RAB2A: variants seen among roughly 807,000 people sequenced by gnomAD.
RAB2A encodes ras-related protein Rab-2A.
A neutral mutation model predicts 32.5 loss-of-function variants in RAB2A; 7 were observed. The observed-to-expected ratio is 0.22, with a 90% CI of 0.12 to 0.40. RAB2A has a LOEUF of 0.40. RAB2A is among the 10% of genes least tolerant of loss of function. The pLI is 1.00. For synonymous variants in RAB2A, 79 were observed against 85.2 expected, an observed-to-expected ratio of 0.93 and a Z score of 0.40; for missense variants, 108 against 260.7, an observed-to-expected ratio of 0.41 and a Z score of 4.03.
chr8:60,606,840 C>A (rs1238359060), intron 6 of RAB2A, among the ~76,000 whole-genome samples: 1 of 152,224 alleles, frequency 6.6e-6, no homozygotes, highest in Non-Finnish European at 1.5e-5. Flanking sequence ...GTGGTGGGGC[C>A]GTGGCCTGAC....
intron 5 of RAB2A, among the ~76,000 whole-genome samples, chr8:60,591,117 TAATA>T (rs67028614): frequency 0.25 from 37,064 of 151,114 alleles, 5,646 homozygotes; most frequent in African/African-American, 0.44. Flanking sequence ...ATATAAAAAG[TAATA>T]AATATAATAA....
intron 3 of RAB2A, among the ~76,000 whole-genome samples, chr8:60,575,721 A>C (rs1250024632): frequency 7.1e-6 from 1 of 141,172 alleles, no homozygotes; most frequent in East Asian, 2.1e-4. Flanking sequence ...GCAATGGTGC[A>C]ATCTCAGCTC....
rs940286348 is a variant in RAB2A, at chr8:60,622,931, C to G, written c.*2162C>G. The stretch of plus-strand genomic sequence containing the variant: ...TATTGTCTGTGATTTCCAGTCTTTG[C>G]TCATTTTATTATCCCTGTCAAATAA... On this transcript the variant is annotated 3_prime_UTR_variant, in exon 8 of 8. Transcript: ENST00000262646. 5.9e-5 allele frequency: 9 copies of G among 152,164 alleles called. No individual in the cohort carries two copies. The highest frequency in any genetic ancestry group is 1.9e-4 in the African/African-American group (8 of 41,448). 9.4% of individuals were successfully genotyped at this position (152,164 alleles called of 1,614,324 possible).
chr8:60,586,355 T>A (rs1586098683), intron 5 of RAB2A, among the ~76,000 whole-genome samples: 2 of 144,296 alleles, frequency 1.4e-5, no homozygotes, highest in Non-Finnish European at 1.5e-5. Flanking sequence ...TAAGAGCAAA[T>A]CAAAGTTAAG....
At chr8:60,579,128 C>T (rs147085342) in intron 3 of RAB2A, among the ~76,000 whole-genome samples, 5,743 of 152,202 alleles carry the variant, frequency 0.038, 146 homozygotes, top group Middle Eastern at 0.065. Flanking sequence ...CTGCAGCCTC[C>T]GCCTCCTGGG....
chr8:60,591,384 G>T (rs1409446483), intron 5 of RAB2A, among the ~76,000 whole-genome samples: 2 of 151,916 alleles, frequency 1.3e-5, no homozygotes, highest in African/African-American at 4.8e-5. Flanking sequence ...AACAAACTGG[G>T]ATCAATGATG....
At chr8:60,559,043 C>A in intron 2 of RAB2A, 120 bp downstream of exon 2, 1 of 704,356 alleles carries the variant, frequency 1.4e-6, no homozygotes. Flanking sequence ...TTTGTTGTTA[C>A]GCTGTTTAAT....
At chr8:60,519,565 C>A (rs1038023199) in intron 1 of RAB2A, among the ~76,000 whole-genome samples, 1 of 152,130 alleles carries the variant, frequency 6.6e-6, no homozygotes, top group African/African-American at 2.4e-5. Flanking sequence ...GTGACTACTC[C>A]GTTTCTGAAT....
chr8:60,530,022 G>T (rs1450688303), intron 1 of RAB2A, among the ~76,000 whole-genome samples: 1 of 152,068 alleles, frequency 6.6e-6, no homozygotes, highest in Non-Finnish European at 1.5e-5. Flanking sequence ...CCAGGCTGGA[G>T]TGCAATAGCA....
chr8:60,588,916 T>C (rs567233868), intron 5 of RAB2A, among the ~76,000 whole-genome samples: 1 of 152,352 alleles, frequency 6.6e-6, no homozygotes, highest in East Asian at 1.9e-4. Flanking sequence ...ATATTTACAT[T>C]ATAAAAAGCT....
intron 3 of RAB2A, among the ~76,000 whole-genome samples, chr8:60,578,522 G>A (rs1174814198): frequency 6.6e-6 from 1 of 152,078 alleles, no homozygotes; most frequent in Non-Finnish European, 1.5e-5. Flanking sequence ...GGAATTTTCA[G>A]ACTATAGACA....
At chr8:60,582,540 G>C (rs1384421041) in intron 3 of RAB2A, among the ~76,000 whole-genome samples, 1 of 151,878 alleles carries the variant, frequency 6.6e-6, no homozygotes, top group East Asian at 1.9e-4. Flanking sequence ...TTTGTTTTTG[G>C]AGACAAGGTG....
chr8:60,542,534 TAATA>T (rs1807663060), intron 1 of RAB2A, among the ~76,000 whole-genome samples: 4 of 151,930 alleles, frequency 2.6e-5, no homozygotes, highest in African/African-American at 7.3e-5. Flanking sequence ...AAAGAACACT[TAATA>T]AATGTATGCA....
chr8:60,531,824 C>G (rs889983712), intron 1 of RAB2A, among the ~76,000 whole-genome samples: 1 of 137,126 alleles, frequency 7.3e-6, no homozygotes, highest in Non-Finnish European at 1.5e-5. Flanking sequence ...TTTTTTAACA[C>G]GGATTTTCGC....
intron 3 of RAB2A, among the ~76,000 whole-genome samples, chr8:60,578,908 T>C (rs1169255011): frequency 6.6e-6 from 1 of 152,254 alleles, no homozygotes; most frequent in Non-Finnish European, 1.5e-5. Context: ...AAGACTTCTT[T>C]TGCACAAATG....
chr8:60,526,543 T>C (rs1807392260), intron 1 of RAB2A, among the ~76,000 whole-genome samples: 1 of 152,228 alleles, frequency 6.6e-6, no homozygotes, highest in African/African-American at 2.4e-5. Context: ...CTTAATCAAA[T>C]CTACAAAATC....
At chr8:60,612,945 G>A (rs1463225234) in intron 6 of RAB2A, among the ~76,000 whole-genome samples, 4 of 152,118 alleles carry the variant, frequency 2.6e-5, no homozygotes, top group Non-Finnish European at 4.4e-5. Flanking sequence ...AGCCACTATT[G>A]GATGATATAC....
intron 2 of RAB2A, among the ~76,000 whole-genome samples, chr8:60,568,789 A>G (rs61277001): frequency 0.059 from 9,050 of 152,298 alleles, 686 homozygotes; most frequent in African/African-American, 0.18. Flanking sequence ...TTGACTCCAC[A>G]GAAATTTATC....
chr8:60,553,969 TATG>T (rs1165002337), intron 1 of RAB2A, among the ~76,000 whole-genome samples: 1 of 152,206 alleles, frequency 6.6e-6, no homozygotes, highest in Non-Finnish European at 1.5e-5. Flanking sequence ...AGCAAAAAGA[TATG>T]ATATCATTTC....
Sources: allele counts gnomAD v4.1 joint callset (sites outside exome capture counted in the v4.1 genomes callset), GRCh38; gene constraint gnomAD v4.1.1; transcripts MANE v1.5; gene names NCBI Gene and HGNC (gene_info 2026-07-23, HGNC 2026-07-21).